Variants in EXOC6 observed in about 807,000 individuals in gnomAD.
EXOC6 encodes the protein SEC15-like 1.
Under a neutral mutation model 112.5 loss-of-function variants are expected in EXOC6, and 60 were observed. That is an observed-to-expected ratio of 0.53 (90% CI 0.43 to 0.66). The LOEUF (loss-of-function observed/expected upper bound fraction) is 0.66, where lower values mean the gene tolerates loss of function less well. EXOC6 is among the 30% of genes least tolerant of loss of function. The pLI, the probability that EXOC6 is intolerant of heterozygous loss-of-function variation, is 0.00. For synonymous variants in EXOC6, 295 were observed against 308.0 expected (o/e 0.96, Z 0.44); for missense variants, 855 against 957.1 (o/e 0.89, Z 1.41).
chr10:93,020,742 C>T (rs937679870), intron 20 of EXOC6, among the ~76,000 whole-genome samples: 3 of 152,024 alleles, frequency 2.0e-5, no homozygotes, highest in Admixed American at 6.6e-5. Context: ...TGTGAAACTT[C>T]TAGGGAAGTT....
At chr10:92,849,185 T>G (rs1357111565) in intron 1 of EXOC6, among the ~76,000 whole-genome samples, 1 of 151,920 alleles carries the variant, frequency 6.6e-6, no homozygotes, top group African/African-American at 2.4e-5. Context: ...GCGGCCGCAG[T>G]GGGCGAGAAG....
At chr10:92,930,039 A>G (rs1851942005) in intron 9 of EXOC6, among the ~76,000 whole-genome samples, 1 of 152,246 alleles carries the variant, frequency 6.6e-6, no homozygotes, top group African/African-American at 2.4e-5. Flanking sequence ...AAATTGCAGA[A>G]CACCAAAGAT....
chr10:92,839,219 G>A (rs557262748), intron 1 of EXOC6, among the ~76,000 whole-genome samples: 1 of 152,236 alleles, frequency 6.6e-6, no homozygotes, highest in Non-Finnish European at 1.5e-5. Flanking sequence ...ATTTCCACTG[G>A]ATGTTCTCAT....
chr10:92,852,085 A>G (rs973822817), intron 1 of EXOC6, among the ~76,000 whole-genome samples: 3 of 152,236 alleles, frequency 2.0e-5, no homozygotes, highest in African/African-American at 7.2e-5. Context: ...ATGTATATAT[A>G]TTATGAACAA....
At chr10:93,032,739 G>C (rs185263496) in intron 20 of EXOC6, among the ~76,000 whole-genome samples, 15 of 152,300 alleles carry the variant, frequency 9.8e-5, no homozygotes, top group Non-Finnish European at 8.8e-5. Flanking sequence ...ACAACAAAGA[G>C]TGCTAATTTA....
intron 20 of EXOC6, among the ~76,000 whole-genome samples, chr10:93,020,870 G>GC (rs1242374011): frequency 1.4e-5 from 2 of 145,728 alleles, no homozygotes; most frequent in African/African-American, 5.1e-5. Flanking sequence ...CCCGCCCACT[G>GC]CCCCACCATC....
At position 93,035,581 on chromosome 10, in the gene EXOC6, G is replaced by A. The variant is rs185091109; in HGVS notation, c.2169+21314G>A. Among the ~76,000 whole-genome samples the A allele has an allele frequency of 3.0e-3, 463 of 152,332 alleles. 1 individual carries two copies. Among genetic ancestry groups the A allele is most frequent in the African/African-American group, 0.01 (433 of 41,572 alleles). ...CGAAACCAGGAAATTGGGGCCTGTC[G>A]TGGTGGCTCACGCCTGTAATCCCAA... On this transcript the variant is annotated intron_variant, in intron 20 of 21. Transcript: ENST00000260762.
intron 20 of EXOC6, among the ~76,000 whole-genome samples, chr10:93,042,954 TA>T (rs1422000263): frequency 3.4e-4 from 39 of 114,882 alleles, no homozygotes; most frequent in South Asian, 5.1e-4. Context: ...TTATTATTAT[TA>T]TTATTTTTTG....
chr10:92,894,929 GGTGATA>G lies in EXOC6; in HGVS notation c.324_329del (p.Ile109_Val110del). The G allele has an allele frequency of 6.2e-7, 1 of 1,609,582 alleles. No individual in the cohort carries two copies. The highest frequency in any genetic ancestry group is 8.5e-7 in the Non-Finnish European group (1 of 1,176,122). ...AATATGAACATTCCTTCTTTTCTAA[GGTGATA>G]GTCCACACAGAAGATATCATTCGAT... On this transcript the variant is annotated inframe_deletion and splice_region_variant, in exon 4 of 22. Coordinates refer to ENST00000260762, the MANE Select transcript of EXOC6 (RefSeq NM_019053.6).
At chr10:92,975,714 G>A (rs186493157) in intron 18 of EXOC6, among the ~76,000 whole-genome samples, 67 of 107,938 alleles carry the variant, frequency 6.2e-4, no homozygotes, top group South Asian at 1.6e-3. Context: ...CCCTCTGCCC[G>A]GCCAGCCGCC....
chr10:92,872,110 TA>T (rs1362109174), intron 1 of EXOC6, among the ~76,000 whole-genome samples: 3 of 152,268 alleles, frequency 2.0e-5, no homozygotes, highest in African/African-American at 7.2e-5. Flanking sequence ...ATTTTGTACG[TA>T]ATTCATTTAT....
intron 20 of EXOC6, among the ~76,000 whole-genome samples, chr10:93,024,651 C>T (rs1844940343): frequency 6.6e-6 from 1 of 152,164 alleles, no homozygotes; most frequent in Non-Finnish European, 1.5e-5. Flanking sequence ...CTCCTGACCT[C>T]AGGTGATCCA....
At chr10:92,983,439 C>T (rs750582187) in intron 18 of EXOC6, among the ~76,000 whole-genome samples, 12 of 151,876 alleles carry the variant, frequency 7.9e-5, no homozygotes, top group Non-Finnish European at 1.3e-4. Flanking sequence ...CTTTCCCTTC[C>T]CCTTTTTTAA....
At chr10:92,886,428 G>A (rs1235889587) in intron 1 of EXOC6, among the ~76,000 whole-genome samples, 1 of 152,138 alleles carries the variant, frequency 6.6e-6, no homozygotes, top group Non-Finnish European at 1.5e-5. Context: ...GATTTCACCT[G>A]ATGGGTGCAA....
chr10:92,875,554 C>T (rs1027189978), intron 1 of EXOC6, among the ~76,000 whole-genome samples: 1 of 152,114 alleles, frequency 6.6e-6, no homozygotes, highest in African/African-American at 2.4e-5. Context: ...TACTGTGTTA[C>T]ATAACAGAAT....
chr10:92,863,988 G>A (rs1340797756), intron 1 of EXOC6, among the ~76,000 whole-genome samples: 2 of 150,634 alleles, frequency 1.3e-5, no homozygotes, highest in African/African-American at 4.9e-5. Context: ...GCATGGTGGT[G>A]CTGGTTATCT....
Position 92,899,256 on chromosome 10 carries a change from A to G in EXOC6, c.413-343A>G, listed in dbSNP as rs184412415. 1.3e-3 allele frequency among the ~76,000 whole-genome samples: 195 copies of G among 152,262 alleles called. 1 individual carries two copies. Among genetic ancestry groups the G allele is most frequent in the African/African-American group, 4.4e-3 (182 of 41,568 alleles). On this transcript the variant is annotated intron_variant, in intron 4 of 21. Coordinates refer to ENST00000260762, the MANE Select transcript of EXOC6 (RefSeq NM_019053.6). Reference sequence around the variant, plus strand: ...AACTAAAGTCTAAAGTTCCAGTTCTATTTCAGGGAAGAAATATTAGTAGTT... The same window carrying G: ...AACTAAAGTCTAAAGTTCCAGTTCTGTTTCAGGGAAGAAATATTAGTAGTT...
intron 1 of EXOC6, among the ~76,000 whole-genome samples, chr10:92,871,667 C>T (rs913250708): frequency 1.3e-5 from 2 of 151,652 alleles, no homozygotes; most frequent in Non-Finnish European, 2.9e-5. Flanking sequence ...ATTAGCTGGG[C>T]GTGGTGGTGC....
intron 17 of EXOC6, among the ~76,000 whole-genome samples, chr10:92,966,653 G>A (rs1316756063): frequency 6.7e-6 from 1 of 149,758 alleles, no homozygotes; most frequent in African/African-American, 2.5e-5. Flanking sequence ...ATTCCATGAT[G>A]TATATGTGCC....
Sources: gnomAD v4.1 joint callset for allele counts (sites outside exome capture counted in the v4.1 genomes callset) on GRCh38, gnomAD v4.1.1 for gene constraint, MANE v1.5 for transcripts, NCBI Gene and HGNC (gene_info 2026-07-23, HGNC 2026-07-21) for gene names.